The following ZNF423 variants were observed in gnomAD, a reference collection of about 807,000 sequenced individuals.
ZNF423 encodes zinc finger protein 423, also known as Ebf-associated zinc finger protein.
Under a neutral mutation model 95.8 loss-of-function variants are expected in ZNF423, and 12 were observed. The observed-to-expected ratio is 0.13, with a 90% CI of 0.08 to 0.20. The LOEUF (loss-of-function observed/expected upper bound fraction) is 0.20, where lower values mean the gene tolerates loss of function less well. Among genes scored for constraint, ZNF423 ranks in the 10% least tolerant of loss-of-function variants. ZNF423 has a pLI of 1.00. For synonymous variants in ZNF423, 749 were observed against 711.9 expected (o/e 1.05, Z -0.83); for missense variants, 1,316 against 1,737.1 (o/e 0.76, Z 4.31).
At chr16:49,734,075 C>T (rs1334776240) in intron 2 of ZNF423, among the ~76,000 whole-genome samples, 1 of 152,232 alleles carries the variant, frequency 6.6e-6, no homozygotes, top group Non-Finnish European at 1.5e-5. Context: ...GCCCCAAGCT[C>T]TCCAAGGCCC....
At chr16:49,767,700 C>A (rs2033954400) in intron 2 of ZNF423, among the ~76,000 whole-genome samples, 1 of 152,186 alleles carries the variant, frequency 6.6e-6, no homozygotes, top group South Asian at 2.1e-4. Flanking sequence ...CCCCACCAGG[C>A]ACCCCAAGAA....
chr16:49,496,471 TCC>T (rs974402316), intron 7 of ZNF423, among the ~76,000 whole-genome samples: 2 of 152,104 alleles, frequency 1.3e-5, no homozygotes, highest in Non-Finnish European at 2.9e-5. Context: ...TCTCTCTCTC[TCC>T]CCATGTGACG....
chr16:49,751,200 C>T (rs751943675), intron 2 of ZNF423, among the ~76,000 whole-genome samples: 1 of 152,206 alleles, frequency 6.6e-6, no homozygotes, highest in Non-Finnish European at 1.5e-5. Context: ...TTTAAAATAA[C>T]TCAGCTTGGT....
chr16:49,684,063 C>G (rs565033918), intron 3 of ZNF423, among the ~76,000 whole-genome samples: 2 of 152,200 alleles, frequency 1.3e-5, no homozygotes, highest in South Asian at 4.2e-4. Flanking sequence ...AGAGCAAGAT[C>G]TGGTCTCAAA....
At chr16:49,691,114 A>G (rs1421770274) in intron 3 of ZNF423, among the ~76,000 whole-genome samples, 4 of 152,234 alleles carry the variant, frequency 2.6e-5, no homozygotes, top group Non-Finnish European at 4.4e-5. Context: ...ACCAGGGCAG[A>G]GGGCCCGACA....
At position 49,636,235 on chromosome 16, in the gene ZNF423, T is replaced by C; in HGVS notation, c.2941A>G (p.Thr981Ala). 6.2e-7 allele frequency: 1 copy of C among 1,613,078 alleles called. No homozygotes were observed. Among genetic ancestry groups the C allele is most frequent in the Non-Finnish European group, 8.5e-7 (1 of 1,179,968 alleles). ...ICGERFPSLL[T>A]LTEHKVTHSK... ...TGGGTCACCTTGTGTTCGGTGAGCG[T>C]CAGCAGCGAAGGGAAGCGCTCACCA... Residue 981 changes from threonine to alanine, a missense_variant, in exon 4 of 8, where the codon ACG becomes GCG. By Grantham distance (58) the Thr-to-Ala change is moderately conservative (BLOSUM62 0). Transcript: ENST00000563137. The surrounding 1 kb of genome is among the most constrained non-coding windows in gnomAD (Gnocchi z 8.6).
intron 5 of ZNF423, among the ~76,000 whole-genome samples, chr16:49,559,142 G>A (rs1969936338): frequency 1.3e-5 from 2 of 152,252 alleles, no homozygotes; most frequent in Admixed American, 1.3e-4. Context: ...TATGTCTGGG[G>A]TGGGGAGTAC....
At chr16:49,705,357 G>A (rs1422658974) in intron 3 of ZNF423, among the ~76,000 whole-genome samples, 2 of 152,164 alleles carry the variant, frequency 1.3e-5, no homozygotes, top group African/African-American at 2.4e-5. Context: ...CGATTAAAAG[G>A]AGGCTTTTGG....
intron 3 of ZNF423, among the ~76,000 whole-genome samples, chr16:49,641,786 G>A (rs142794560): frequency 3.3e-5 from 5 of 152,326 alleles, no homozygotes; most frequent in African/African-American, 1.2e-4. Flanking sequence ...ACTGACATGA[G>A]ATGTCCAGAA....
chr16:49,855,570 TCCTCCG>T lies in ZNF423; in HGVS notation c.40+159_40+164del, dbSNP rs759803732. Among the ~76,000 whole-genome samples the T allele has an allele frequency of 9.8e-4, 138 of 141,304 alleles. No individual in the cohort carries two copies. Among genetic ancestry groups the T allele is most frequent in the African/African-American group, 3.0e-3 (112 of 37,008 alleles). 92.7% of individuals were successfully genotyped at this position (141,304 alleles called of 152,430 possible). A position where few individuals can be genotyped will look rare whatever the true frequency, so the allele number is the denominator to read the frequency against. On this transcript the variant is annotated intron_variant, in intron 1 of 7. Coordinates refer to ENST00000563137, the MANE Select transcript of ZNF423 (RefSeq NM_001379286.1). The surrounding 1 kb of genome is among the most constrained non-coding windows in gnomAD (Gnocchi z 4.7). Reference sequence around the variant, plus strand: ...CCTGCTCCCGGCTTCCTCCTCCCCCTCCTCCGCCTCCGCCTCCGCCTCCGCCTCCTC... The same window carrying T: ...CCTGCTCCCGGCTTCCTCCTCCCCCTCCTCCGCCTCCGCCTCCGCCTCCTC...
Position 49,695,307 on chromosome 16 carries a change from T to C in ZNF423, c.301+35464A>G, listed in dbSNP as rs139632524. 8.2e-3 allele frequency among the ~76,000 whole-genome samples: 1,248 copies of C among 152,286 alleles called. 18 individuals are homozygous for C. The highest frequency in any genetic ancestry group is 0.029 in the African/African-American group (1,202 of 41,548). The stretch of plus-strand genomic sequence containing the variant: ...TTTTTGTATTTTTATTTTATTTTAT[T>C]TTGAGACAGAGTTTTGCTCTTGTTG... On this transcript the variant is annotated intron_variant, in intron 3 of 7. Coordinates refer to ENST00000563137, the MANE Select transcript of ZNF423 (RefSeq NM_001379286.1).
At chr16:49,676,279 C>T (rs2031044596) in intron 3 of ZNF423, among the ~76,000 whole-genome samples, 1 of 152,258 alleles carries the variant, frequency 6.6e-6, no homozygotes, top group South Asian at 2.1e-4. Context: ...GATACACACA[C>T]ACGCACACGG....
chr16:49,507,377 T>C (rs956837365), intron 7 of ZNF423, among the ~76,000 whole-genome samples: 8 of 152,098 alleles, frequency 5.3e-5, no homozygotes, highest in Middle Eastern at 3.2e-3. Context: ...CAAGCCATTC[T>C]CCTGCCTCAG....
intron 2 of ZNF423, among the ~76,000 whole-genome samples, chr16:49,741,343 CA>C (rs892079846): frequency 1.8e-4 from 27 of 151,418 alleles, no homozygotes; most frequent in Non-Finnish European, 3.1e-4. Flanking sequence ...AAAAATGCCC[CA>C]AAAAAATAAA....
At chr16:49,854,815 G>C (rs2035340961) in intron 1 of ZNF423, 1 of 985,268 alleles carries the variant, frequency 1.0e-6, no homozygotes, top group African/African-American at 1.7e-5. Flanking sequence ...GCAAAGCGTG[G>C]AGACGAAGGG....
At chr16:49,752,528 G>A (rs1250558966) in intron 2 of ZNF423, among the ~76,000 whole-genome samples, 3 of 152,200 alleles carry the variant, frequency 2.0e-5, no homozygotes, top group Non-Finnish European at 4.4e-5. Flanking sequence ...GGGGAGCCCA[G>A]GGAGGCCAGG....
chr16:49,565,754 G>C (rs1207167760), intron 5 of ZNF423, among the ~76,000 whole-genome samples: 1 of 152,146 alleles, frequency 6.6e-6, no homozygotes, highest in Admixed American at 6.5e-5. Flanking sequence ...AATAGTTACA[G>C]TTCTTACACA....
intron 5 of ZNF423, among the ~76,000 whole-genome samples, chr16:49,624,680 A>G (rs1972200222): frequency 6.6e-6 from 1 of 152,264 alleles, no homozygotes; most frequent in African/African-American, 2.4e-5. Context: ...ACAGATTATT[A>G]TACACCAATG....
chr16:49,588,720 A>G (rs1970917749), intron 5 of ZNF423, among the ~76,000 whole-genome samples: 1 of 152,252 alleles, frequency 6.6e-6, no homozygotes, highest in African/African-American at 2.4e-5. Context: ...TCTAGAGGGC[A>G]GCAACAAATC....
Sources: gnomAD v4.1 joint callset for allele counts (sites outside exome capture counted in the v4.1 genomes callset) on GRCh38, gnomAD v4.1.1 for gene constraint, Gnocchi (gnomAD v3.1) non-coding constraint, MANE v1.5 for transcripts, NCBI Gene and HGNC (gene_info 2026-07-23, HGNC 2026-07-21) for gene names.